Variants in ARHGAP24 observed in about 807,000 individuals in gnomAD.
ARHGAP24 encodes the protein rho GTPase-activating protein 24.
ARHGAP24 carries 50 observed loss-of-function variants against 76.4 expected under a neutral mutation model. That is an observed-to-expected ratio of 0.65 (90% confidence interval 0.52 to 0.83). ARHGAP24 has a LOEUF of 0.83. Among genes scored for constraint, ARHGAP24 ranks in the 40% least tolerant of loss-of-function variants. The pLI is 0.00. For synonymous variants in ARHGAP24, 345 were observed against 323.3 expected, an observed-to-expected ratio of 1.07 and a Z score of -0.72; for missense variants, 930 against 914.2, an observed-to-expected ratio of 1.02 and a Z score of -0.22.
intron 2 of ARHGAP24, among the ~76,000 whole-genome samples, chr4:85,665,878 G>T (rs1396023329): frequency 2.0e-5 from 3 of 152,208 alleles, no homozygotes; most frequent in Non-Finnish European, 4.4e-5. Context: ...TTTCTGCCAA[G>T]AGATCTGCTG....
intron 3 of ARHGAP24, among the ~76,000 whole-genome samples, chr4:85,905,008 G>A (rs532691956): frequency 5.9e-5 from 9 of 152,134 alleles, no homozygotes; most frequent in Non-Finnish European, 1.2e-4. Flanking sequence ...AGTGCTTAGG[G>A]GACAGAAGAC....
chr4:85,988,775 T>C (rs1455125080), intron 8 of ARHGAP24, among the ~76,000 whole-genome samples: 1 of 151,340 alleles, frequency 6.6e-6, no homozygotes, highest in African/African-American at 2.4e-5. Flanking sequence ...ATAAAATAAA[T>C]AAAAATTCAA....
chr4:85,506,660 C>G (rs568108671), intron 1 of ARHGAP24, among the ~76,000 whole-genome samples: 1 of 152,160 alleles, frequency 6.6e-6, no homozygotes, highest in Admixed American at 6.5e-5. Flanking sequence ...CATGGCTTCC[C>G]TTGGCTAGGA....
In ARHGAP24 at chr4:85,614,618, A is replaced by G. The variant is rs888131342; in HGVS notation, c.180+43897A>G. 5.3e-5 allele frequency among the ~76,000 whole-genome samples: 8 copies of G among 152,166 alleles called. No individual in the cohort carries two copies. The East Asian group carries it at 1.5e-3, about 29-fold the overall frequency. On this transcript the variant is annotated intron_variant, in intron 2 of 9. Transcript: ENST00000395184. The stretch of plus-strand genomic sequence containing the variant: ...GAAAAAAATATTTTAATTATTGACC[A>G]TATTTCCTATCATTGATTAGGCTGG...
chr4:85,955,397 CA>C (rs1372474147), intron 5 of ARHGAP24, among the ~76,000 whole-genome samples: 1 of 152,066 alleles, frequency 6.6e-6, no homozygotes, highest in Non-Finnish European at 1.5e-5. Flanking sequence ...CAAAACAAAA[CA>C]AAAACTGTAA....
intron 3 of ARHGAP24, among the ~76,000 whole-genome samples, chr4:85,757,175 A>C (rs1270735470): frequency 6.7e-6 from 1 of 148,828 alleles, no homozygotes; most frequent in African/African-American, 2.5e-5. Flanking sequence ...TATACCAGAC[A>C]CTCACTAGAG....
intron 1 of ARHGAP24, among the ~76,000 whole-genome samples, chr4:85,553,879 A>G (rs1726246592): frequency 6.6e-6 from 1 of 151,888 alleles, no homozygotes. Flanking sequence ...GTTATTATGT[A>G]GACTTGTTTT....
At chr4:85,581,953 A>T (rs548587691) in intron 2 of ARHGAP24, among the ~76,000 whole-genome samples, 58 of 152,220 alleles carry the variant, frequency 3.8e-4, no homozygotes, top group African/African-American at 1.3e-3. Flanking sequence ...TCAAATGAAG[A>T]GAAGAAGCTG....
At chr4:85,818,618 T>C (rs1393401197) in intron 3 of ARHGAP24, among the ~76,000 whole-genome samples, 1 of 152,218 alleles carries the variant, frequency 6.6e-6, no homozygotes, top group African/African-American at 2.4e-5. Context: ...CTCAGTTAGG[T>C]GTCACCTGGT....
At chr4:85,772,632 T>A (rs959434698) in intron 3 of ARHGAP24, among the ~76,000 whole-genome samples, 5 of 152,164 alleles carry the variant, frequency 3.3e-5, no homozygotes, top group Non-Finnish European at 7.3e-5. Context: ...TGAATAAGTC[T>A]TCCAGACATG....
chr4:85,664,278 G>T (rs1166179046), intron 2 of ARHGAP24, among the ~76,000 whole-genome samples: 2 of 151,016 alleles, frequency 1.3e-5, no homozygotes, highest in East Asian at 1.9e-4. Flanking sequence ...ATTTCTTCTG[G>T]ATTTTCTAGT....
rs1162605719 is a variant in ARHGAP24 at position 85,707,216 on chromosome 4, C to T, written c.181-14669C>T. On this transcript the variant is annotated intron_variant, in intron 2 of 9. Coordinates refer to ENST00000395184, the MANE Select transcript of ARHGAP24 (RefSeq NM_001025616.3). ...ACAGTCATCAGCCACCATACCCAGC[C>T]TTTATAGTACTTTAAATTCAGATTT... is the stretch of plus-strand genomic sequence containing the variant. Among the ~76,000 whole-genome samples, 3 of 152,268 alleles carry T rather than the reference C, an allele frequency of 2.0e-5. No individual in the cohort carries two copies. The East Asian group carries it at 5.8e-4, about 29-fold the overall frequency.
intron 3 of ARHGAP24, among the ~76,000 whole-genome samples, chr4:85,733,895 A>G (rs193155346): frequency 6.6e-6 from 1 of 152,344 alleles, no homozygotes; most frequent in Admixed American, 6.5e-5. Flanking sequence ...AGTTCCTTGT[A>G]TGTATTTTGG....
At chr4:85,504,209 G>C (rs913030952) in intron 1 of ARHGAP24, among the ~76,000 whole-genome samples, 3 of 152,212 alleles carry the variant, frequency 2.0e-5, no homozygotes, top group East Asian at 1.9e-4. Context: ...TTAGGGTGGA[G>C]AGTTCTGTAG....
chr4:85,648,289 C>T (rs1016577748), intron 2 of ARHGAP24, among the ~76,000 whole-genome samples: 1 of 152,098 alleles, frequency 6.6e-6, no homozygotes, highest in African/African-American at 2.4e-5. Context: ...CTTTGCTACT[C>T]TAACATCTTA....
intron 3 of ARHGAP24, among the ~76,000 whole-genome samples, chr4:85,831,193 A>T (rs902793058): frequency 6.6e-6 from 1 of 152,228 alleles, no homozygotes; most frequent in Non-Finnish European, 1.5e-5. Context: ...AATAATTTTT[A>T]AAAACACTGA....
intron 2 of ARHGAP24, among the ~76,000 whole-genome samples, chr4:85,696,655 A>G (rs921523298): frequency 1.3e-5 from 2 of 152,172 alleles, no homozygotes; most frequent in African/African-American, 2.4e-5. Flanking sequence ...TCAAATGGCA[A>G]TTTAGTTTGC....
chr4:85,529,482 C>G lies in ARHGAP24; in HGVS notation c.-20-41040C>G, dbSNP rs1249998565. Among the ~76,000 whole-genome samples the G allele has an allele frequency of 3.3e-5, 5 of 152,114 alleles. No homozygotes were observed. The East Asian group carries it at 7.7e-4, about 24-fold the overall frequency. On this transcript the variant is annotated intron_variant, in intron 1 of 9. Transcript: ENST00000395184. ...ACTGGCCAGAAATTCTTTGCATCAG[C>G]CTTCCTTTGGCTTTTCAACACCATT...
intron 2 of ARHGAP24, among the ~76,000 whole-genome samples, chr4:85,670,317 GT>G (rs1480177625): frequency 6.6e-6 from 1 of 152,150 alleles, no homozygotes; most frequent in African/African-American, 2.4e-5. Flanking sequence ...TTTGACTTAA[GT>G]TAGAATTACA....
Sources: gnomAD v4.1 joint callset for allele counts (sites outside exome capture counted in the v4.1 genomes callset) on GRCh38, gnomAD v4.1.1 for gene constraint, MANE v1.5 for transcripts, NCBI Gene and HGNC (gene_info 2026-07-23, HGNC 2026-07-21) for gene names.